Variants in ZC3H4 observed in about 807,000 individuals in gnomAD.
ZC3H4 encodes zinc finger CCCH-type containing 4, also known as zinc finger CCCH domain-containing protein 4.
ZC3H4 carries 13 observed loss-of-function variants against 108.3 expected under a neutral mutation model. The observed-to-expected ratio is 0.12, with a 90% CI of 0.08 to 0.19. The LOEUF (loss-of-function observed/expected upper bound fraction) is 0.19, where lower values mean the gene tolerates loss of function less well. Ranked by LOEUF, ZC3H4 falls within the 10% of genes least tolerant of loss-of-function variation. The pLI is 1.00. For synonymous variants in ZC3H4, 917 were observed against 749.6 expected (o/e 1.22, Z -3.65); for missense variants, 1,734 against 1,838.8 (o/e 0.94, Z 1.04).
intron 1 of ZC3H4, chr19:47,113,289 GAAAT>G (rs2058064283): frequency 6.5e-6 from 1 of 153,478 alleles, no homozygotes; most frequent in Admixed American, 6.5e-5. Flanking sequence ...AGGGGAGGCG[GAAAT>G]AGCCGAAAGG....
At chr19:47,112,158 G>A (rs2123130850) in intron 2 of ZC3H4, 1 of 1,157,884 alleles carries the variant, frequency 8.6e-7, no homozygotes, top group Non-Finnish European at 1.1e-6. Context: ...CTTCCCCTCA[G>A]CATGGCGCCC....
chr19:47,071,734 T>TA, intron 13 of ZC3H4, 44 bp downstream of exon 13: 1 of 1,544,614 alleles, frequency 6.5e-7, no homozygotes. Flanking sequence ...CTCCACTGGG[T>TA]AAAGCCTGCA....
chr19:47,073,439 G>A (rs1363722946), intron 11 of ZC3H4, among the ~76,000 whole-genome samples: 1 of 152,086 alleles, frequency 6.6e-6, no homozygotes, highest in African/African-American at 2.4e-5. Context: ...GGGCATGGTG[G>A]TGGGCACCTG....
chr19:47,071,659 G>A (rs1394782657), intron 13 of ZC3H4, 119 bp downstream of exon 13: 15 of 1,078,122 alleles, frequency 1.4e-5, no homozygotes, highest in Non-Finnish European at 1.9e-5. Flanking sequence ...AAATGGGACA[G>A]AGATGGAGTC....
chr19:47,088,658 C>G (rs2057675958), intron 5 of ZC3H4, among the ~76,000 whole-genome samples: 1 of 151,716 alleles, frequency 6.6e-6, no homozygotes, highest in South Asian at 2.1e-4. Context: ...ATTCTGTCTC[C>G]CAATAAACAA....
At chr19:47,103,934 A>G (rs1338533092) in intron 2 of ZC3H4, among the ~76,000 whole-genome samples, 2 of 151,602 alleles carry the variant, frequency 1.3e-5, no homozygotes, top group Non-Finnish European at 2.9e-5. Flanking sequence ...AAAGAGCGAG[A>G]CTCCGTCTTA....
chr19:47,078,961 A>T (rs1052684786), intron 11 of ZC3H4, among the ~76,000 whole-genome samples: 1 of 149,520 alleles, frequency 6.7e-6, no homozygotes, highest in African/African-American at 2.4e-5. Flanking sequence ...CAGAAGGCGA[A>T]GGTTGCGGTG....
In ZC3H4 at chr19:47,086,523, C is replaced by T; in HGVS notation, c.731G>A (p.Gly244Asp). The T allele has an allele frequency of 6.3e-7, 1 of 1,593,690 alleles. No homozygotes were observed. The highest frequency in any genetic ancestry group is 8.5e-7 in the Non-Finnish European group (1 of 1,175,050). The change falls in exon 6 of 15, where the codon GGC becomes GAC. Residue 244 changes from glycine (G) to aspartate (D), a missense_variant. Transcript: ENST00000253048. ...GCTTCCTCGGCCCCTGTAGCCCCGG[C>T]CCCGGCCTCGGCTGCCTGCATGGAG... ...SSRGRGSRGR[G>D]RGYRGRGSRG... is the part of the protein sequence containing the mutation.
In ZC3H4 at chr19:47,072,316, CGCCCACT is replaced by C. The variant is rs1568534651; in HGVS notation, c.1802+29_1802+35del. On this transcript the variant is annotated intron_variant, in intron 12 of 14. Coordinates refer to ENST00000253048, the MANE Select transcript of ZC3H4 (RefSeq NM_015168.2). The surrounding 1 kb of genome is among the most constrained non-coding windows in gnomAD (Gnocchi z 5.6). The stretch of plus-strand genomic sequence containing the variant: ...AGGAGCCTGGCTGGGCCCAGGACAG[CGCCCACT>C]GCCTGTCACGGGGGTCCAGGGCACT... The C allele has an allele frequency of 6.3e-7, 1 of 1,591,412 alleles. No individual in the cohort carries two copies. The highest frequency in any genetic ancestry group is 8.6e-7 in the Non-Finnish European group (1 of 1,165,390).
chr19:47,101,798 G>A (rs1244035498), intron 2 of ZC3H4, among the ~76,000 whole-genome samples: 3 of 151,738 alleles, frequency 2.0e-5, no homozygotes, highest in African/African-American at 4.8e-5. Context: ...TTGAACCTGG[G>A]AGGCAGAGGT....
At position 47,101,532 on chromosome 19, in the gene ZC3H4, A is replaced by G. The variant is rs1483645186; in HGVS notation, c.162-6924T>C. ...GCATGAGCCATTGCACCCAGCCTCT[A>G]TAAATAACTAAAAAAAATTTTTTTT... On this transcript the variant is annotated intron_variant, in intron 2 of 14. Coordinates refer to ENST00000253048, the MANE Select transcript of ZC3H4 (RefSeq NM_015168.2). Among the ~76,000 whole-genome samples, 3 of 152,214 alleles carry G rather than the reference A, an allele frequency of 2.0e-5. No homozygotes were observed. In the East Asian group the frequency reaches 5.8e-4, roughly 30 times the overall value.
intron 2 of ZC3H4, among the ~76,000 whole-genome samples, chr19:47,104,803 GTC>G (rs2057948285): frequency 6.6e-6 from 1 of 152,170 alleles, no homozygotes; most frequent in African/African-American, 2.4e-5. Flanking sequence ...AAGCCCTGGT[GTC>G]TGTTAGGAAA....
chr19:47,082,834 G>A (rs923035718), intron 9 of ZC3H4, among the ~76,000 whole-genome samples: 3 of 152,314 alleles, frequency 2.0e-5, no homozygotes, highest in South Asian at 2.1e-4. Flanking sequence ...CTGGTTCTGA[G>A]AGACAAATGT....
intron 9 of ZC3H4, among the ~76,000 whole-genome samples, chr19:47,084,128 A>G (rs1752803044): frequency 6.6e-6 from 1 of 152,154 alleles, no homozygotes; most frequent in Non-Finnish European, 1.5e-5. Flanking sequence ...CCTAAAACCA[A>G]AAGTCCTCAT....
At chr19:47,109,580 T>C (rs896821871) in intron 2 of ZC3H4, among the ~76,000 whole-genome samples, 18 of 152,318 alleles carry the variant, frequency 1.2e-4, no homozygotes, top group Middle Eastern at 6.8e-3. Context: ...GCTTCAGACA[T>C]TTCTTGCAGG....
Position 47,077,735 on chromosome 19 carries a change from T to TA in ZC3H4, c.1440+3777dup, listed in dbSNP as rs560016698. Among the ~76,000 whole-genome samples, 9 of 151,698 alleles carry TA rather than the reference T, an allele frequency of 5.9e-5. No individual in the cohort carries two copies. The South Asian group carries it at 1.9e-3, about 32-fold the overall frequency. On this transcript the variant is annotated intron_variant, in intron 11 of 14. Coordinates refer to ENST00000253048, the MANE Select transcript of ZC3H4 (RefSeq NM_015168.2). ...AGCCGGGCGTGATGGCACATGCCTG[T>TA]AATCTCAGCTACTCAGGAGGCTGAG...
chr19:47,079,927 C>A (rs1371495492), intron 11 of ZC3H4, among the ~76,000 whole-genome samples: 1 of 152,052 alleles, frequency 6.6e-6, no homozygotes, highest in African/African-American at 2.4e-5. Flanking sequence ...GCAGCAGGCT[C>A]CCCGGAGGGA....
At chr19:47,108,895 AT>A (rs1248347934) in intron 2 of ZC3H4, among the ~76,000 whole-genome samples, 1 of 152,220 alleles carries the variant, frequency 6.6e-6, no homozygotes. Flanking sequence ...AATTAAAAAA[AT>A]AAAGGAGTTT....
intron 11 of ZC3H4, among the ~76,000 whole-genome samples, chr19:47,074,414 A>C (rs2057381621): frequency 6.6e-6 from 1 of 152,204 alleles, no homozygotes; most frequent in Admixed American, 6.5e-5. Flanking sequence ...GCAGACGCCC[A>C]GTGAGTGAAT....
Sources: allele counts gnomAD v4.1 joint callset (sites outside exome capture counted in the v4.1 genomes callset), GRCh38; gene constraint gnomAD v4.1.1; non-coding constraint Gnocchi (gnomAD v3.1); transcripts MANE v1.5; gene names NCBI Gene and HGNC (gene_info 2026-07-23, HGNC 2026-07-21).